The following FHIT variants were observed in gnomAD, a reference collection of about 807,000 sequenced individuals.
FHIT encodes bis(5'-adenosyl)-triphosphatase.
In FHIT, 19 loss-of-function variants were observed where a neutral mutation model predicts 17.9. That is an observed-to-expected ratio of 1.06 (90% CI 0.74 to 1.56). The LOEUF (loss-of-function observed/expected upper bound fraction) is 1.56. Ranked by LOEUF, FHIT falls within the 40% of genes most tolerant of loss-of-function variation. The probability of loss-of-function intolerance (pLI) is 0.00; values close to 1 mark genes in which losing one functional copy is unlikely to be tolerated. For missense variants in FHIT, 248 were observed against 189.2 expected (o/e 1.31, Z -1.82); for synonymous variants, 81 against 69.7 (o/e 1.16, Z -0.81).
intron 5 of FHIT, among the ~76,000 whole-genome samples, chr3:60,524,502 G>A (rs1039775699): frequency 6.6e-6 from 1 of 152,172 alleles, no homozygotes; most frequent in Non-Finnish European, 1.5e-5. Flanking sequence ...AAGGAATCTA[G>A]TGTGGTTGGA....
chr3:60,600,547 T>C (rs375660625), intron 4 of FHIT, among the ~76,000 whole-genome samples: 8 of 152,258 alleles, frequency 5.3e-5, no homozygotes, highest in African/African-American at 1.9e-4. Context: ...AGCTTTGCTA[T>C]AAATTTTGAA....
At chr3:60,051,017 G>A (rs927459734) in intron 5 of FHIT, among the ~76,000 whole-genome samples, 7 of 152,104 alleles carry the variant, frequency 4.6e-5, no homozygotes, top group African/African-American at 1.7e-4. Context: ...TGTCCTCAGA[G>A]GGTTCCTATT....
intron 5 of FHIT, among the ~76,000 whole-genome samples, chr3:60,464,617 T>C (rs1339902000): frequency 6.6e-6 from 1 of 152,154 alleles, no homozygotes; most frequent in African/African-American, 2.4e-5. Context: ...GTGATGTTTG[T>C]CTTTCTGTGC....
In FHIT at chr3:60,253,231, G is replaced by A. The variant is rs193209683; in HGVS notation, c.104-239079C>T. ...TAATACATTTTTACTTACAATGAAG[G>A]CTATCATTAGTATATCACCAATTAA... is the stretch of plus-strand genomic sequence containing the variant. On this transcript the variant is annotated intron_variant, in intron 5 of 9. Transcript: ENST00000492590. Among the ~76,000 whole-genome samples, 75 of 152,218 alleles carry A rather than the reference G, an allele frequency of 4.9e-4. 1 individual carries two copies. The highest frequency in any genetic ancestry group is 8.3e-4 in the South Asian group (4 of 4,826).
intron 5 of FHIT, among the ~76,000 whole-genome samples, chr3:60,396,542 CAA>C (rs142071876): frequency 0.044 from 6,678 of 152,094 alleles, 202 homozygotes; most frequent in Non-Finnish European, 0.069. Flanking sequence ...AAACCAGACA[CAA>C]AAAGTTAATA....
chr3:60,683,108 G>T (rs1735447), intron 4 of FHIT, among the ~76,000 whole-genome samples: 10,810 of 152,198 alleles, frequency 0.071, 518 homozygotes, highest in Admixed American at 0.13. Flanking sequence ...GCTTCTTACG[G>T]GTAAGCAAAG....
chr3:61,209,525 A>ATC (rs1553875008), intron 1 of FHIT, among the ~76,000 whole-genome samples: 2 of 151,196 alleles, frequency 1.3e-5, no homozygotes, highest in Admixed American at 1.3e-4. Flanking sequence ...TCTTTTTATT[A>ATC]TTTTTTTTCT....
intron 4 of FHIT, among the ~76,000 whole-genome samples, chr3:60,716,528 A>T (rs1247396960): frequency 6.6e-6 from 1 of 152,186 alleles, no homozygotes; most frequent in African/African-American, 2.4e-5. Flanking sequence ...AGGGGCAGTA[A>T]CAGGCATGAA....
chr3:59,901,513 T>A (rs898105643), intron 8 of FHIT, among the ~76,000 whole-genome samples: 4 of 152,156 alleles, frequency 2.6e-5, no homozygotes, highest in African/African-American at 9.7e-5. Context: ...CCAAGGGGCA[T>A]GTGGGAAGAT....
intron 1 of FHIT, among the ~76,000 whole-genome samples, chr3:61,217,999 G>A (rs910673971): frequency 6.6e-6 from 1 of 152,172 alleles, no homozygotes; most frequent in Non-Finnish European, 1.5e-5. Context: ...CACTAATTTG[G>A]TTGTGGATAC....
chr3:60,144,673 G>A (rs1439929842), intron 5 of FHIT, among the ~76,000 whole-genome samples: 5 of 151,864 alleles, frequency 3.3e-5, no homozygotes, highest in Admixed American at 6.6e-5. Context: ...ATACATATCC[G>A]TGTTGTGTAA....
chr3:60,609,585 A>G (rs1283501630), intron 4 of FHIT, among the ~76,000 whole-genome samples: 4 of 152,126 alleles, frequency 2.6e-5, no homozygotes, highest in Non-Finnish European at 5.9e-5. Context: ...TCGGCCTCCC[A>G]CAGTGCTGGA....
intron 4 of FHIT, among the ~76,000 whole-genome samples, chr3:60,775,286 A>T (rs1363344981): frequency 1.3e-5 from 2 of 152,188 alleles, no homozygotes; most frequent in Non-Finnish European, 2.9e-5. Context: ...CAACCACCCA[A>T]GTCTCCAGCC....
intron 4 of FHIT, among the ~76,000 whole-genome samples, chr3:60,637,406 A>T (rs567019347): frequency 6.6e-6 from 1 of 152,176 alleles, no homozygotes; most frequent in East Asian, 1.9e-4. Context: ...CTAGTACTCA[A>T]TATGGTACCT....
intron 5 of FHIT, among the ~76,000 whole-genome samples, chr3:60,065,562 T>A (rs761858186): frequency 1.5e-4 from 23 of 152,180 alleles, no homozygotes; most frequent in Non-Finnish European, 2.4e-4. Flanking sequence ...GGAAAACTTC[T>A]GAAAATATAG....
At chr3:60,426,847 T>C (rs1032874052) in intron 5 of FHIT, among the ~76,000 whole-genome samples, 1 of 152,134 alleles carries the variant, frequency 6.6e-6, no homozygotes, top group Non-Finnish European at 1.5e-5. Flanking sequence ...CGACTTTTGG[T>C]CAGCAGACTT....
At chr3:59,950,700 T>C (rs955296584) in intron 7 of FHIT, among the ~76,000 whole-genome samples, 1 of 152,152 alleles carries the variant, frequency 6.6e-6, no homozygotes, top group Non-Finnish European at 1.5e-5. Flanking sequence ...CACTGTAGCC[T>C]CCAGGAGGGA....
chr3:60,396,167 A>G (rs1004930200), intron 5 of FHIT, among the ~76,000 whole-genome samples: 1 of 152,104 alleles, frequency 6.6e-6, no homozygotes, highest in African/African-American at 2.4e-5. Flanking sequence ...CCTCTTGTTG[A>G]TATTTGGGTA....
chr3:60,461,108 T>C (rs77800664), intron 5 of FHIT, among the ~76,000 whole-genome samples: 3,915 of 152,292 alleles, frequency 0.026, 79 homozygotes, highest in South Asian at 0.078. Flanking sequence ...TGGTAACTAA[T>C]AAAAATTTTT....
Sources: gnomAD v4.1 joint callset for allele counts (sites outside exome capture counted in the v4.1 genomes callset) on GRCh38, gnomAD v4.1.1 for gene constraint, MANE v1.5 for transcripts, NCBI Gene and HGNC (gene_info 2026-07-23, HGNC 2026-07-21) for gene names.